Variants in ADK observed in about 807,000 individuals in gnomAD.
ADK encodes the protein adenosine kinase.
In ADK, 24 loss-of-function variants were observed where a neutral mutation model predicts 44.7. The ratio of observed to expected loss-of-function variants is 0.54; its 90% CI spans 0.39 to 0.76. The LOEUF is 0.76. Ranked by LOEUF, ADK falls within the 30% of genes least tolerant of loss-of-function variation. The probability of loss-of-function intolerance (pLI) is 0.00; values close to 1 mark genes in which losing one functional copy is unlikely to be tolerated. For synonymous variants in ADK, 128 were observed against 142.6 expected, an observed-to-expected ratio of 0.90 and a Z score of 0.73; for missense variants, 321 against 425.1, an observed-to-expected ratio of 0.76 and a Z score of 2.15.
At chr10:74,442,921 A>G (rs1043743967) in intron 6 of ADK, among the ~76,000 whole-genome samples, 2 of 152,154 alleles carry the variant, frequency 1.3e-5, no homozygotes, top group Admixed American at 6.5e-5. Context: ...ACAAAAATAT[A>G]GATACTGTGT....
At chr10:74,163,707 GT>G (rs1315654442) in intron 1 of ADK, among the ~76,000 whole-genome samples, 1 of 152,116 alleles carries the variant, frequency 6.6e-6, no homozygotes, top group Non-Finnish European at 1.5e-5. Context: ...AAAAGAAACT[GT>G]TTCCTTCTTA....
chr10:74,667,724 C>T (rs1254677285), intron 9 of ADK, among the ~76,000 whole-genome samples: 1 of 151,234 alleles, frequency 6.6e-6, no homozygotes, highest in Non-Finnish European at 1.5e-5. Flanking sequence ...TTTAGTGGAG[C>T]CGGGATTTTA....
intron 3 of ADK, among the ~76,000 whole-genome samples, chr10:74,229,896 G>A (rs1170214899): frequency 2.6e-5 from 4 of 151,960 alleles, no homozygotes; most frequent in African/African-American, 4.8e-5. Context: ...AAAAGTAGCC[G>A]GATGTGGTGG....
In ADK at chr10:74,543,776, T is replaced by C. The variant is rs1849730970; in HGVS notation, c.726+18350T>C. ...CAAATACTTAGTTGAACCAGCCAAT[T>C]CATTTTAGCACAGTAAAAGTAATCC... On this transcript the variant is annotated intron_variant, in intron 7 of 10. Transcript: ENST00000539909. Among the ~76,000 whole-genome samples the C allele has an allele frequency of 2.0e-5, 3 of 152,206 alleles. No individual in the cohort carries two copies. The South Asian group carries it at 6.2e-4, about 32-fold the overall frequency.
At chr10:74,591,039 A>G (rs1851698437) in intron 8 of ADK, among the ~76,000 whole-genome samples, 1 of 152,174 alleles carries the variant, frequency 6.6e-6, no homozygotes, top group African/African-American at 2.4e-5. Context: ...ATAATTTGTT[A>G]TATAACATGA....
At chr10:74,460,636 C>G (rs1163449005) in intron 6 of ADK, among the ~76,000 whole-genome samples, 1 of 152,024 alleles carries the variant, frequency 6.6e-6, no homozygotes, top group Non-Finnish European at 1.5e-5. Context: ...GCCAGATTAT[C>G]CTATTTACCT....
chr10:74,346,122 C>T (rs756107412), intron 4 of ADK, among the ~76,000 whole-genome samples: 1 of 152,186 alleles, frequency 6.6e-6, no homozygotes, highest in African/African-American at 2.4e-5. Context: ...AAACTCCTGA[C>T]CTCAGGTGAT....
chr10:74,230,175 A>AG (rs1844706057), intron 3 of ADK, among the ~76,000 whole-genome samples: 1 of 149,374 alleles, frequency 6.7e-6, no homozygotes, highest in Non-Finnish European at 1.5e-5. Flanking sequence ...TTAAATGCTT[A>AG]TTTTTTTTTA....
chr10:74,413,271 G>T (rs577299832), intron 6 of ADK, among the ~76,000 whole-genome samples: 1 of 151,788 alleles, frequency 6.6e-6, no homozygotes, highest in Non-Finnish European at 1.5e-5. Context: ...TTGAAGCTTC[G>T]AAGCCAAGCA....
intron 4 of ADK, among the ~76,000 whole-genome samples, chr10:74,315,280 T>C (rs563856317): frequency 3.3e-5 from 5 of 152,178 alleles, no homozygotes; most frequent in Non-Finnish European, 7.4e-5. Flanking sequence ...TACATAAATG[T>C]ACATTCATAT....
At position 74,294,605 on chromosome 10, in the gene ADK, A is replaced by T. The variant is rs891971366; in HGVS notation, c.195-20062A>T. Among the ~76,000 whole-genome samples, 51 of 152,272 alleles carry T rather than the reference A, an allele frequency of 3.3e-4. 1 individual carries two copies. Among genetic ancestry groups the T allele is most frequent in the Admixed American group, 4.6e-4 (7 of 15,302 alleles). On this transcript the variant is annotated intron_variant, in intron 3 of 10. Coordinates refer to ENST00000539909, the MANE Select transcript of ADK (RefSeq NM_006721.4). ...CCTGGCCCAAAGTGTTATCTTTAGA[A>T]CAGCAGAAATGGGAGTTCCAGTTTT... is the stretch of plus-strand genomic sequence containing the variant.
intron 3 of ADK, among the ~76,000 whole-genome samples, chr10:74,299,817 G>T (rs1839940493): frequency 6.6e-6 from 1 of 151,790 alleles, no homozygotes; most frequent in Non-Finnish European, 1.5e-5. Context: ...AACTTCATTT[G>T]CTGTATGAAG....
chr10:74,306,178 T>A (rs1369554549), intron 3 of ADK, among the ~76,000 whole-genome samples: 1 of 152,144 alleles, frequency 6.6e-6, no homozygotes, highest in African/African-American at 2.4e-5. Flanking sequence ...GATTGGAAAA[T>A]TTTTATTGAT....
At chr10:74,201,068 T>C (rs370701879) in intron 2 of ADK, among the ~76,000 whole-genome samples, 2 of 152,328 alleles carry the variant, frequency 1.3e-5, no homozygotes, top group East Asian at 3.9e-4. Context: ...TTTTTGCTTA[T>C]TATTTGGAAG....
At position 74,352,965 on chromosome 10, in the gene ADK, G is replaced by C. The variant is rs12572580; in HGVS notation, c.273+38220G>C. On this transcript the variant is annotated intron_variant, in intron 4 of 10. Coordinates refer to ENST00000539909, the MANE Select transcript of ADK (RefSeq NM_006721.4). The stretch of plus-strand genomic sequence containing the variant: ...ATAGGAATGCTTTTACACTGTTGGT[G>C]GGAGTGTAAATTAGTTCAACCGCTG... Among the ~76,000 whole-genome samples, 478 of 152,304 alleles carry C rather than the reference G, an allele frequency of 3.1e-3. 7 individuals carry two copies. Among genetic ancestry groups the C allele is most frequent in the East Asian group, 0.018 (93 of 5,186 alleles).
chr10:74,479,410 T>C (rs1200430751), intron 6 of ADK, among the ~76,000 whole-genome samples: 3 of 149,608 alleles, frequency 2.0e-5, no homozygotes, highest in African/African-American at 4.9e-5. Context: ...TTTTTTTTTT[T>C]CATTTTTTTT....
chr10:74,531,967 A>G (rs1849304390), intron 7 of ADK, among the ~76,000 whole-genome samples: 2 of 152,230 alleles, frequency 1.3e-5, no homozygotes, highest in South Asian at 4.1e-4. Flanking sequence ...AAAACAAAGT[A>G]TTGCAAGAAA....
At chr10:74,517,955 CGTT>C (rs762550977) in intron 6 of ADK, among the ~76,000 whole-genome samples, 1 of 151,966 alleles carries the variant, frequency 6.6e-6, no homozygotes, top group Non-Finnish European at 1.5e-5. Flanking sequence ...TTATCTTAAT[CGTT>C]GTCAGGGCCA....
At chr10:74,529,173 G>A (rs1006117600) in intron 7 of ADK, 2 of 152,062 alleles carry the variant, frequency 1.3e-5, no homozygotes, top group African/African-American at 4.8e-5. Context: ...GTATTATTTA[G>A]CCTTAAATAA....
Sources: allele counts gnomAD v4.1 joint callset (sites outside exome capture counted in the v4.1 genomes callset), GRCh38; gene constraint gnomAD v4.1.1; transcripts MANE v1.5; gene names NCBI Gene and HGNC (gene_info 2026-07-23, HGNC 2026-07-21).